OSBP2: variants seen among roughly 807,000 people sequenced by gnomAD.
OSBP2 encodes oxysterol binding protein 2, also known as oxysterol-binding protein 2.
In OSBP2, 66 loss-of-function variants were observed where a neutral mutation model predicts 96.0. The observed-to-expected ratio is 0.69, with a 90% CI of 0.56 to 0.84. OSBP2 has a LOEUF of 0.84. Among genes scored for constraint, OSBP2 ranks in the 40% least tolerant of loss-of-function variants. The pLI is 0.00. For synonymous variants in OSBP2, 525 were observed against 520.9 expected, an observed-to-expected ratio of 1.01 and a Z score of -0.11; for missense variants, 1,038 against 1,222.7, an observed-to-expected ratio of 0.85 and a Z score of 2.25.
intron 3 of OSBP2, among the ~76,000 whole-genome samples, chr22:30,878,702 C>T (rs917186287): frequency 1.3e-5 from 2 of 152,112 alleles, no homozygotes; most frequent in Non-Finnish European, 2.9e-5. Flanking sequence ...ACTCTTGGTC[C>T]CTGGGTTTAC....
chr22:30,715,810 G>T (rs2089443626), intron 1 of OSBP2, among the ~76,000 whole-genome samples: 1 of 150,004 alleles, frequency 6.7e-6, no homozygotes, highest in African/African-American at 2.5e-5. Flanking sequence ...TCCCACCTTG[G>T]CCTCCCAAAG....
At chr22:30,821,595 T>C (rs2146978728) in intron 2 of OSBP2, among the ~76,000 whole-genome samples, 1 of 151,944 alleles carries the variant, frequency 6.6e-6, no homozygotes, top group African/African-American at 2.4e-5. Flanking sequence ...GGTGCGGGGA[T>C]AGGGAAGCTC....
intron 1 of OSBP2, among the ~76,000 whole-genome samples, chr22:30,714,575 T>C (rs1312137350): frequency 1.3e-5 from 2 of 152,128 alleles, no homozygotes; most frequent in Non-Finnish European, 2.9e-5. Flanking sequence ...GGACAACTCC[T>C]CCCCTTTTCC....
At chr22:30,901,676 C>A (rs2040199363) in intron 12 of OSBP2, among the ~76,000 whole-genome samples, 1 of 151,968 alleles carries the variant, frequency 6.6e-6, no homozygotes, top group South Asian at 2.1e-4. Flanking sequence ...ACCAGCCTGG[C>A]CAACCTGGTG....
intron 2 of OSBP2, among the ~76,000 whole-genome samples, chr22:30,812,638 T>A (rs1290622018): frequency 6.6e-6 from 1 of 152,234 alleles, no homozygotes; most frequent in Non-Finnish European, 1.5e-5. Context: ...TTGCATAGAT[T>A]TCTAGAAGTG....
intron 2 of OSBP2, among the ~76,000 whole-genome samples, chr22:30,824,994 C>G (rs954262958): frequency 6.6e-6 from 1 of 152,106 alleles, no homozygotes; most frequent in Non-Finnish European, 1.5e-5. Context: ...TTCTCAGTTG[C>G]CCCCATCCTT....
chr22:30,874,589 C>G (rs1294204153), intron 3 of OSBP2, among the ~76,000 whole-genome samples: 5 of 152,166 alleles, frequency 3.3e-5, no homozygotes, highest in African/African-American at 4.8e-5. Context: ...GGTGCAGGCC[C>G]ATTCCACGCA....
intron 2 of OSBP2, among the ~76,000 whole-genome samples, chr22:30,753,640 G>A (rs535156614): frequency 8.5e-5 from 13 of 152,266 alleles, no homozygotes; most frequent in Non-Finnish European, 1.5e-4. Flanking sequence ...AGGCCAAACC[G>A]TCTTTGGTCA....
At chr22:30,734,379 A>G (rs1359373435) in intron 1 of OSBP2, among the ~76,000 whole-genome samples, 1 of 152,210 alleles carries the variant, frequency 6.6e-6, no homozygotes, top group East Asian at 1.9e-4. Flanking sequence ...TGGTTCTGGA[A>G]TATTGCACAC....
chr22:30,729,459 G>A (rs2089709125), intron 1 of OSBP2, among the ~76,000 whole-genome samples: 1 of 152,100 alleles, frequency 6.6e-6, no homozygotes, highest in Non-Finnish European at 1.5e-5. Flanking sequence ...CCATCGTAAT[G>A]AAACCCCGTC....
In OSBP2 at chr22:30,694,929, C is replaced by G; in HGVS notation, c.20C>G (p.Pro7Arg). 1 of 1,487,436 alleles carries G rather than the reference C, an allele frequency of 6.7e-7. No individual in the cohort carries two copies. The highest frequency in any genetic ancestry group is 8.9e-7 in the Non-Finnish European group (1 of 1,128,222). 92.1% of individuals were successfully genotyped at this position (1,487,436 alleles called of 1,614,324 possible). MGKAAA[P>R]SRGGGCGGRS... Reference sequence around the variant, plus strand: ...GGCTCTATGGGGAAAGCGGCGGCTCCGAGCCGAGGCGGCGGCTGTGGCGGC... The same window carrying G: ...GGCTCTATGGGGAAAGCGGCGGCTCGGAGCCGAGGCGGCGGCTGTGGCGGC... The change falls in exon 1 of 14, where the codon CCG (proline) becomes CGG (arginine). Residue 7 changes from proline to arginine, a missense_variant. Physicochemically the swap from Pro to Arg is moderately radical, Grantham distance 103. Coordinates refer to ENST00000332585, the MANE Select transcript of OSBP2 (RefSeq NM_030758.4).
intron 1 of OSBP2, among the ~76,000 whole-genome samples, chr22:30,734,405 C>T (rs902486742): frequency 3.9e-5 from 6 of 151,932 alleles, no homozygotes; most frequent in Non-Finnish European, 7.4e-5. Flanking sequence ...TAGCCTCTTG[C>T]GGGAGAGGAG....
intron 2 of OSBP2, among the ~76,000 whole-genome samples, chr22:30,817,110 C>T (rs136232): frequency 0.18 from 27,121 of 152,102 alleles, 2,583 homozygotes; most frequent in Middle Eastern, 0.23. Context: ...TTTAATTGCC[C>T]AGCAACACAT....
At chr22:30,797,970 A>G (rs2145836409) in intron 2 of OSBP2, among the ~76,000 whole-genome samples, 1 of 152,324 alleles carries the variant, frequency 6.6e-6, no homozygotes, top group South Asian at 2.1e-4. Context: ...TTGCTGGGTC[A>G]TAATAATAAT....
At chr22:30,765,540 A>G (rs929651766) in intron 2 of OSBP2, among the ~76,000 whole-genome samples, 3 of 152,096 alleles carry the variant, frequency 2.0e-5, no homozygotes, top group Admixed American at 2.0e-4. Flanking sequence ...CATTCTACAC[A>G]GGGCTCCTGC....
In OSBP2 at chr22:30,858,271, C is replaced by T. The variant is rs531076897; in HGVS notation, c.854-12158C>T. Among the ~76,000 whole-genome samples, 101 of 151,150 alleles carry T rather than the reference C, an allele frequency of 6.7e-4. 2 individuals are homozygous for T. The East Asian group carries it at 0.017, about 25-fold the overall frequency. On this transcript the variant is annotated intron_variant, in intron 2 of 13. Transcript: ENST00000332585. ...ACGCCATTCTCCTGCCTCAGCCTCC[C>T]CAGTAGCTGGGACTACAGGCGCCCG...
chr22:30,797,604 T>A (rs2090782873), intron 2 of OSBP2, among the ~76,000 whole-genome samples: 1 of 138,216 alleles, frequency 7.2e-6, no homozygotes, highest in South Asian at 2.2e-4. Flanking sequence ...ATTTAACTAA[T>A]TTTTTTTTTT....
chr22:30,773,975 G>A (rs1480030385), intron 2 of OSBP2, among the ~76,000 whole-genome samples: 1 of 152,184 alleles, frequency 6.6e-6, no homozygotes, highest in Non-Finnish European at 1.5e-5. Flanking sequence ...GGCCAGGGAT[G>A]CTTGGCTGTT....
chr22:30,809,830 T>C (rs2090982562), intron 2 of OSBP2, among the ~76,000 whole-genome samples: 1 of 152,098 alleles, frequency 6.6e-6, no homozygotes. Context: ...ACGATATGGA[T>C]TTGCAAATGA....
Sources: gnomAD v4.1 joint callset for allele counts (sites outside exome capture counted in the v4.1 genomes callset) on GRCh38, gnomAD v4.1.1 for gene constraint, MANE v1.5 for transcripts, NCBI Gene and HGNC (gene_info 2026-07-23, HGNC 2026-07-21) for gene names.